The following VPS13B variants were observed in gnomAD, a reference collection of about 807,000 sequenced individuals.
The protein encoded by VPS13B is vacuolar protein sorting 13 homolog B.
In VPS13B, 285 loss-of-function variants were observed where a neutral mutation model predicts 426.4. The ratio of observed to expected loss-of-function variants is 0.67; its 90% CI spans 0.61 to 0.74. The LOEUF is 0.74. Ranked by LOEUF, VPS13B falls within the 30% of genes least tolerant of loss-of-function variation. The pLI, the probability that VPS13B is intolerant of heterozygous loss-of-function variation, is 0.00. For synonymous variants in VPS13B, 1,676 were observed against 1,676.4 expected (o/e 1.00, Z 0.01); for missense variants, 4,537 against 4,782.6 (o/e 0.95, Z 1.51).
intron 19 of VPS13B, among the ~76,000 whole-genome samples, chr8:99,334,035 T>G (rs1377473279): frequency 6.6e-6 from 1 of 151,980 alleles, no homozygotes; most frequent in African/African-American, 2.4e-5. Flanking sequence ...AAAATTCTTT[T>G]ACAAGCCTTT....
chr8:99,284,716 A>G (rs1162876914), intron 19 of VPS13B, among the ~76,000 whole-genome samples: 2 of 85,490 alleles, frequency 2.3e-5, no homozygotes, highest in Non-Finnish European at 4.9e-5. Flanking sequence ...ACACCTGGCT[A>G]AATTTGTGTG....
At chr8:99,032,709 T>C (rs1482078277) in intron 2 of VPS13B, among the ~76,000 whole-genome samples, 1 of 151,526 alleles carries the variant, frequency 6.6e-6, no homozygotes, top group Admixed American at 6.6e-5. Flanking sequence ...TTGTTTTTTT[T>C]TTTTGTATTT....
intron 8 of VPS13B, among the ~76,000 whole-genome samples, chr8:99,128,735 G>A (rs1384504851): frequency 2.7e-5 from 4 of 145,774 alleles, no homozygotes; most frequent in African/African-American, 9.8e-5. Flanking sequence ...GGTTGCAGCA[G>A]TGGAAAAAAA....
At chr8:99,532,161 C>G (rs1047968246) in intron 30 of VPS13B, among the ~76,000 whole-genome samples, 3 of 152,062 alleles carry the variant, frequency 2.0e-5, no homozygotes, top group Non-Finnish European at 4.4e-5. Context: ...TCTGAAGTCC[C>G]TTCTGGAATT....
intron 61 of VPS13B, 97 bp downstream of exon 61, chr8:99,871,794 C>T: frequency 6.3e-7 from 1 of 1,594,782 alleles, no homozygotes; most frequent in South Asian, 1.1e-5. Context: ...GCTGCAGCCT[C>T]TGGAGTGGCT....
rs186762488 is a variant in VPS13B at position 99,774,791 on chromosome 8, G to A, written c.7248-1984G>A. On this transcript the variant is annotated intron_variant, in intron 40 of 61. Transcript: ENST00000357162. ...TTTTATCTTGCCAATGAAATCTTTT[G>A]TTAACTCTACAAATTCCTAGAAAGT... Among the ~76,000 whole-genome samples the A allele has an allele frequency of 3.9e-5, 6 of 152,236 alleles. No homozygotes were observed. The East Asian group carries it at 9.6e-4, about 24-fold the overall frequency.
intron 44 of VPS13B, among the ~76,000 whole-genome samples, chr8:99,814,100 A>G (rs2130800619): frequency 6.6e-6 from 1 of 152,356 alleles, no homozygotes; most frequent in African/African-American, 2.4e-5. Context: ...AAATCTTGCC[A>G]CTGCATTCCA....
At chr8:99,516,428 A>G (rs1822075271) in intron 29 of VPS13B, among the ~76,000 whole-genome samples, 1 of 152,184 alleles carries the variant, frequency 6.6e-6, no homozygotes, top group African/African-American at 2.4e-5. Context: ...TCAAGAGTAT[A>G]CTATTCATTT....
intron 19 of VPS13B, among the ~76,000 whole-genome samples, chr8:99,374,405 T>A (rs2133269365): frequency 6.6e-6 from 1 of 152,222 alleles, no homozygotes; most frequent in South Asian, 2.1e-4. Context: ...AAATTTCCCT[T>A]CAATTCTAAC....
rs192286218 is a variant in VPS13B, at chr8:99,136,631, A to C, written c.1564-34A>C. The C allele has an allele frequency of 4.2e-5, 68 of 1,610,204 alleles. No homozygotes were observed. The East Asian group carries it at 1.2e-3, about 29-fold the overall frequency. On this transcript the variant is annotated intron_variant, in intron 11 of 61. Transcript: ENST00000357162. ...TTAAACTCAAAAGTTTCTTTTATAC[A>C]ATGTTTATTCTGTTTGCATTGCTTT...
intron 39 of VPS13B, among the ~76,000 whole-genome samples, chr8:99,750,785 G>A (rs942609329): frequency 3.9e-5 from 6 of 152,138 alleles, no homozygotes; most frequent in African/African-American, 1.4e-4. Flanking sequence ...CATACATGGG[G>A]TGTTTTGGGA....
At chr8:99,280,666 A>G (rs947647835) in intron 19 of VPS13B, among the ~76,000 whole-genome samples, 9 of 151,902 alleles carry the variant, frequency 5.9e-5, no homozygotes, top group African/African-American at 1.7e-4. Flanking sequence ...TTCCTTCTGC[A>G]TATATCTACC....
chr8:99,497,740 A>C (rs1216528710), intron 25 of VPS13B, among the ~76,000 whole-genome samples: 1 of 152,140 alleles, frequency 6.6e-6, no homozygotes, highest in Non-Finnish European at 1.5e-5. Flanking sequence ...TAACCTATGC[A>C]GTAATCTACC....
chr8:99,488,284 T>C (rs1820411649), intron 25 of VPS13B, among the ~76,000 whole-genome samples: 1 of 152,108 alleles, frequency 6.6e-6, no homozygotes, highest in South Asian at 2.1e-4. Context: ...GCAGAAAATA[T>C]GGGTCCCAAA....
At chr8:99,535,569 A>C (rs1443790150) in intron 30 of VPS13B, among the ~76,000 whole-genome samples, 1 of 152,340 alleles carries the variant, frequency 6.6e-6, no homozygotes, top group East Asian at 1.9e-4. Context: ...AAAAATGGGT[A>C]AAAAGTCAGT....
chr8:99,637,416 T>C (rs1040500997), intron 33 of VPS13B, among the ~76,000 whole-genome samples: 1 of 152,112 alleles, frequency 6.6e-6, no homozygotes, highest in African/African-American at 2.4e-5. Context: ...TTTCTAGTAC[T>C]GGGTAAGTTG....
intron 19 of VPS13B, among the ~76,000 whole-genome samples, chr8:99,381,075 G>A (rs767865371): frequency 4.0e-5 from 6 of 151,622 alleles, no homozygotes; most frequent in Admixed American, 6.6e-5. Context: ...CCTCTGATAG[G>A]CCCCAATGTC....
intron 2 of VPS13B, among the ~76,000 whole-genome samples, chr8:99,016,740 G>T (rs78294548): frequency 6.6e-6 from 1 of 151,662 alleles, no homozygotes; most frequent in South Asian, 2.1e-4. Flanking sequence ...GCAGGCGCCC[G>T]CCACCATGCC....
chr8:99,754,881 C>A (rs754732478), intron 39 of VPS13B, among the ~76,000 whole-genome samples: 1 of 152,134 alleles, frequency 6.6e-6, no homozygotes, highest in Non-Finnish European at 1.5e-5. Flanking sequence ...AGGCCTCCCC[C>A]AACCCCCATG....
Sources: gnomAD v4.1 joint callset for allele counts (sites outside exome capture counted in the v4.1 genomes callset) on GRCh38, gnomAD v4.1.1 for gene constraint, MANE v1.5 for transcripts, NCBI Gene and HGNC (gene_info 2026-07-23, HGNC 2026-07-21) for gene names.